Variants in CTNNA3 observed in about 807,000 individuals in gnomAD.
The protein encoded by CTNNA3 is catenin alpha 3, also known as catenin alpha-3.
In CTNNA3, 76 loss-of-function variants were observed where a neutral mutation model predicts 95.7. The observed-to-expected ratio is 0.79, with a 90% CI of 0.66 to 0.96. CTNNA3 has a LOEUF of 0.96. CTNNA3 is among the 40% of genes least tolerant of loss of function. CTNNA3 has a pLI of 0.00. For synonymous variants in CTNNA3, 431 were observed against 374.4 expected (o/e 1.15, Z -1.74); for missense variants, 1,191 against 1,089.8 (o/e 1.09, Z -1.31).
At chr10:66,772,901 A>G (rs1331164418) in intron 8 of CTNNA3, among the ~76,000 whole-genome samples, 2 of 152,188 alleles carry the variant, frequency 1.3e-5, no homozygotes, top group Non-Finnish European at 1.5e-5. Flanking sequence ...AAAAGATAAA[A>G]CCAGTTCTAA....
intron 13 of CTNNA3, among the ~76,000 whole-genome samples, chr10:66,200,446 TG>T (rs967048710): frequency 3.9e-5 from 6 of 152,320 alleles, no homozygotes; most frequent in African/African-American, 1.4e-4. Flanking sequence ...GCAAGGGTTC[TG>T]GACATTTTGA....
intron 1 of CTNNA3, among the ~76,000 whole-genome samples, chr10:67,731,880 C>G (rs10997789): frequency 0.45 from 67,704 of 150,340 alleles, 18,858 homozygotes; most frequent in African/African-American, 0.8. Flanking sequence ...GTTTTGTTTT[C>G]TTTTTTAGTA....
intron 5 of CTNNA3, among the ~76,000 whole-genome samples, chr10:67,338,370 G>A (rs1430182515): frequency 6.6e-6 from 1 of 152,026 alleles, no homozygotes; most frequent in Non-Finnish European, 1.5e-5. Flanking sequence ...CATCACTAAG[G>A]GGAGTACACC....
chr10:67,569,740 CA>C (rs1255529097), intron 3 of CTNNA3, among the ~76,000 whole-genome samples: 1 of 152,122 alleles, frequency 6.6e-6, no homozygotes, highest in East Asian at 1.9e-4. Flanking sequence ...TGCAGTTGCT[CA>C]GGGGGAGGAA....
intron 5 of CTNNA3, among the ~76,000 whole-genome samples, chr10:67,361,453 A>G (rs1413186036): frequency 3.9e-5 from 6 of 152,222 alleles, no homozygotes; most frequent in African/African-American, 1.4e-4. Flanking sequence ...ATAAAAACAA[A>G]TCAATACCAA....
intron 1 of CTNNA3, among the ~76,000 whole-genome samples, chr10:67,651,874 T>C (rs1290709418): frequency 1.3e-5 from 2 of 152,250 alleles, no homozygotes; most frequent in African/African-American, 4.8e-5. Context: ...TTCCTACAGA[T>C]TGGCACCTAG....
At chr10:67,443,458 T>C (rs1846611120) in intron 5 of CTNNA3, among the ~76,000 whole-genome samples, 1 of 151,400 alleles carries the variant, frequency 6.6e-6, no homozygotes, top group Non-Finnish European at 1.5e-5. Flanking sequence ...CCAGCACCTG[T>C]TGTTTCCTGA....
At chr10:66,416,305 T>A (rs2093145480) in intron 11 of CTNNA3, among the ~76,000 whole-genome samples, 1 of 151,740 alleles carries the variant, frequency 6.6e-6, no homozygotes, top group Admixed American at 6.6e-5. Context: ...TAATGATATA[T>A]GGGACAGAAA....
intron 13 of CTNNA3, among the ~76,000 whole-genome samples, chr10:66,213,371 T>C (rs148892948): frequency 3.3e-5 from 5 of 152,274 alleles, no homozygotes; most frequent in African/African-American, 1.2e-4. Flanking sequence ...ATTATAGATT[T>C]AAATATTTTA....
At chr10:66,088,369 A>G (rs895359910) in intron 14 of CTNNA3, among the ~76,000 whole-genome samples, 1 of 151,946 alleles carries the variant, frequency 6.6e-6, no homozygotes, top group Non-Finnish European at 1.5e-5. Flanking sequence ...GTGTCTGTAT[A>G]ATATAGATTT....
intron 9 of CTNNA3, among the ~76,000 whole-genome samples, chr10:66,711,905 T>C (rs994661154): frequency 6.6e-6 from 1 of 152,134 alleles, no homozygotes; most frequent in Non-Finnish European, 1.5e-5. Flanking sequence ...CTTGTGTTTT[T>C]ACTATTTAGA....
intron 2 of CTNNA3, among the ~76,000 whole-genome samples, chr10:67,626,791 G>A (rs1210546489): frequency 2.0e-5 from 3 of 146,866 alleles, no homozygotes; most frequent in African/African-American, 7.9e-5. Flanking sequence ...ACATGTATGT[G>A]TCTATACATG....
intron 9 of CTNNA3, among the ~76,000 whole-genome samples, chr10:66,741,164 G>A (rs561275589): frequency 6.6e-6 from 1 of 152,256 alleles, no homozygotes; most frequent in East Asian, 1.9e-4. Context: ...AGAAGTGAAA[G>A]CAATGCCTTC....
At chr10:66,082,473 G>T (rs2080802768) in intron 14 of CTNNA3, among the ~76,000 whole-genome samples, 1 of 152,102 alleles carries the variant, frequency 6.6e-6, no homozygotes, top group African/African-American at 2.4e-5. Context: ...CCATACTCTA[G>T]AGGGGACTAG....
At chr10:66,549,064 C>T (rs1842132339) in intron 10 of CTNNA3, among the ~76,000 whole-genome samples, 1 of 147,526 alleles carries the variant, frequency 6.8e-6, no homozygotes, top group Non-Finnish European at 1.5e-5. Context: ...TCTCCGCTCA[C>T]TGCAAGCTCC....
At chr10:66,659,657 C>T (rs1338549354) in intron 9 of CTNNA3, among the ~76,000 whole-genome samples, 1 of 152,048 alleles carries the variant, frequency 6.6e-6, no homozygotes, top group East Asian at 1.9e-4. Context: ...GAGCAGAGCC[C>T]TCATGAATGG....
At chr10:67,726,398 T>TG (rs1841218712) in intron 1 of CTNNA3, among the ~76,000 whole-genome samples, 1 of 66,138 alleles carries the variant, frequency 1.5e-5, no homozygotes, top group East Asian at 6.3e-4. Context: ...ATATATATTA[T>TG]ATATTATATC....
At chr10:66,739,634 G>A (rs1231445821) in intron 9 of CTNNA3, among the ~76,000 whole-genome samples, 1 of 151,914 alleles carries the variant, frequency 6.6e-6, no homozygotes, top group Non-Finnish European at 1.5e-5. Flanking sequence ...AAAGCTAGTT[G>A]GAAATGAAAT....
chr10:66,732,165 C>T lies in CTNNA3; in HGVS notation c.1281+34099G>A, dbSNP rs553376656. On this transcript the variant is annotated intron_variant, in intron 9 of 17. Transcript: ENST00000433211. ...AAAGGGCTTGGAGAGGTTGCCCATG[C>T]AACATATCCTACAGATTTGAGTCAG... Among the ~76,000 whole-genome samples the T allele has an allele frequency of 4.6e-5, 7 of 152,278 alleles. No homozygotes were observed. The South Asian group carries it at 1.5e-3, about 32-fold the overall frequency.
Sources: allele counts gnomAD v4.1 joint callset (sites outside exome capture counted in the v4.1 genomes callset), GRCh38; gene constraint gnomAD v4.1.1; transcripts MANE v1.5; gene names NCBI Gene and HGNC (gene_info 2026-07-23, HGNC 2026-07-21).